Variants in ATXN1 observed in about 807,000 individuals in gnomAD.
The protein encoded by ATXN1 is ataxin 1.
Under a neutral mutation model 56.4 loss-of-function variants are expected in ATXN1, and 8 were observed. That is an observed-to-expected ratio of 0.14 (90% CI 0.08 to 0.26). The LOEUF (loss-of-function observed/expected upper bound fraction) is 0.26. Among genes scored for constraint, ATXN1 ranks in the 10% least tolerant of loss-of-function variants. ATXN1 has a pLI of 1.00. For missense variants in ATXN1, 987 were observed against 1,106.5 expected, an observed-to-expected ratio of 0.89 and a Z score of 1.53; for synonymous variants, 514 against 494.6, an observed-to-expected ratio of 1.04 and a Z score of -0.52.
chr6:16,683,526 C>T (rs1010464529), intron 2 of ATXN1, among the ~76,000 whole-genome samples: 1 of 152,228 alleles, frequency 6.6e-6, no homozygotes. Flanking sequence ...CCTCATCAGA[C>T]AGCTGAAGAC....
rs113130256 is a variant in ATXN1 at position 16,545,520 on chromosome 6, A to T, written c.-360-22832T>A. ...TTCAAATGCCATCTAGACCATAAGG[A>T]CTCTTATAAAACACAAACCACTTCA... is the stretch of plus-strand genomic sequence containing the variant. On this transcript the variant is annotated intron_variant, in intron 4 of 7. Transcript: ENST00000436367. Among the ~76,000 whole-genome samples, 486 of 152,156 alleles carry T rather than the reference A, an allele frequency of 3.2e-3. 1 individual carries two copies. Among genetic ancestry groups the T allele is most frequent in the African/African-American group, 0.011 (453 of 41,506 alleles).
intron 6 of ATXN1, among the ~76,000 whole-genome samples, chr6:16,396,047 A>G (rs1758452183): frequency 6.7e-6 from 1 of 149,614 alleles, no homozygotes; most frequent in Admixed American, 6.7e-5. Flanking sequence ...AAAGCCAATT[A>G]ACTGTAAACA....
intron 4 of ATXN1, among the ~76,000 whole-genome samples, chr6:16,555,758 T>C (rs1052852063): frequency 2.0e-5 from 3 of 152,234 alleles, no homozygotes; most frequent in Non-Finnish European, 2.9e-5. Flanking sequence ...CCCTAATTTA[T>C]GGAGTCAGCC....
intron 4 of ATXN1, among the ~76,000 whole-genome samples, chr6:16,535,860 A>G (rs1282262775): frequency 6.6e-6 from 1 of 152,206 alleles, no homozygotes; most frequent in Non-Finnish European, 1.5e-5. Flanking sequence ...GATAAAAGTG[A>G]CAATCTGCCA....
chr6:16,622,738 G>A (rs1424397818), intron 3 of ATXN1, among the ~76,000 whole-genome samples: 4 of 152,146 alleles, frequency 2.6e-5, no homozygotes, highest in African/African-American at 9.7e-5. Flanking sequence ...GACTTACTAT[G>A]CAGGGTACTT....
intron 7 of ATXN1, among the ~76,000 whole-genome samples, chr6:16,319,334 C>T (rs774853458): frequency 1.3e-5 from 2 of 152,080 alleles, no homozygotes; most frequent in Non-Finnish European, 2.9e-5. Flanking sequence ...AAGTGAGAGA[C>T]GCCAATGTGA....
intron 6 of ATXN1, among the ~76,000 whole-genome samples, chr6:16,330,950 G>A (rs961866104): frequency 7.9e-5 from 12 of 152,114 alleles, no homozygotes; most frequent in African/African-American, 2.9e-4. Context: ...AAACACTTAT[G>A]CTGAAGAAAT....
rs536905290 is a variant in ATXN1, at chr6:16,746,069, T to C, written c.-615+7164A>G. 6.2e-4 allele frequency among the ~76,000 whole-genome samples: 95 copies of C among 152,066 alleles called. 1 individual carries two copies. The highest frequency in any genetic ancestry group is 3.4e-3 in the Middle Eastern group (1 of 294). The stretch of plus-strand genomic sequence containing the variant: ...AGTGATTCTGTGAGTTAGGTGATAT[T>C]ATCATCCCCATTCAACAGATGAGGA... On this transcript the variant is annotated intron_variant, in intron 2 of 7. Transcript: ENST00000436367.
chr6:16,553,659 T>A (rs1189401396), intron 4 of ATXN1, among the ~76,000 whole-genome samples: 1 of 152,198 alleles, frequency 6.6e-6, no homozygotes, highest in Non-Finnish European at 1.5e-5. Context: ...TGGTTCTGAA[T>A]AATGGCTATT....
At chr6:16,514,586 C>T (rs1293013044) in intron 5 of ATXN1, among the ~76,000 whole-genome samples, 1 of 152,042 alleles carries the variant, frequency 6.6e-6, no homozygotes, top group African/African-American at 2.4e-5. Flanking sequence ...TGATCCTAAA[C>T]CTTGGGGAGG....
intron 6 of ATXN1, among the ~76,000 whole-genome samples, chr6:16,427,438 C>T (rs971982378): frequency 5.9e-5 from 9 of 152,174 alleles, no homozygotes; most frequent in African/African-American, 2.2e-4. Context: ...TTGGCTGGTT[C>T]TAAGTGGAAA....
intron 4 of ATXN1, among the ~76,000 whole-genome samples, chr6:16,550,883 G>T (rs954245571): frequency 6.6e-6 from 1 of 151,898 alleles, no homozygotes; most frequent in African/African-American, 2.4e-5. Flanking sequence ...TTAACTTCAG[G>T]TCTTATTTTT....
intron 3 of ATXN1, among the ~76,000 whole-genome samples, chr6:16,634,655 A>G (rs969052235): frequency 6.6e-6 from 1 of 152,196 alleles, no homozygotes; most frequent in Non-Finnish European, 1.5e-5. Context: ...TGGACCTTTC[A>G]TATAAATGAA....
intron 7 of ATXN1, among the ~76,000 whole-genome samples, chr6:16,316,370 T>C (rs532595539): frequency 1.6e-4 from 24 of 152,318 alleles, no homozygotes; most frequent in African/African-American, 5.5e-4. Flanking sequence ...TATATTTGTC[T>C]GTTTTGCCTC....
At chr6:16,685,286 G>A (rs972074063) in intron 2 of ATXN1, among the ~76,000 whole-genome samples, 13 of 152,204 alleles carry the variant, frequency 8.5e-5, no homozygotes, top group African/African-American at 3.1e-4. Flanking sequence ...AAAAATGAAG[G>A]CTTTTGCCCA....
rs764788881 is a variant in ATXN1 at position 16,327,254 on chromosome 6, G to A, written c.1057C>T (p.Pro353Ser). ...ACGTGCCTGGACTCGTACGGGTGAG[G>A]AACCGACTTGCCGCCTGCCTTGCCC... is the stretch of plus-strand genomic sequence containing the variant. ...GLGKAGGKSV[P>S]HPYESRHVVV... The change falls in exon 7 of 8, where the codon CCT becomes TCT. Residue 353 changes from proline (P) to serine (S), a missense_variant. Pro to Ser is a moderately conservative substitution (Grantham distance 74). Coordinates refer to ENST00000436367, the MANE Select transcript of ATXN1 (RefSeq NM_001128164.2). The A allele has an allele frequency of 2.4e-5, 38 of 1,613,368 alleles. No homozygotes were observed. The highest frequency in any genetic ancestry group is 3.2e-5 in the Non-Finnish European group (38 of 1,179,684).
intron 2 of ATXN1, among the ~76,000 whole-genome samples, chr6:16,668,813 CTTTAT>C (rs1411878396): frequency 2.7e-5 from 4 of 147,458 alleles, no homozygotes; most frequent in Non-Finnish European, 5.9e-5. Flanking sequence ...ATTTTATTTA[CTTTAT>C]TTTATTTTGA....
intron 3 of ATXN1, among the ~76,000 whole-genome samples, chr6:16,610,646 A>G (rs1763087823): frequency 6.6e-6 from 1 of 152,174 alleles, no homozygotes; most frequent in East Asian, 1.9e-4. Flanking sequence ...TTCATAGAAT[A>G]TATTTGAAGA....
At chr6:16,620,691 C>G (rs1034750951) in intron 3 of ATXN1, among the ~76,000 whole-genome samples, 1 of 152,200 alleles carries the variant, frequency 6.6e-6, no homozygotes, top group Admixed American at 6.5e-5. Flanking sequence ...ATATGCCCCC[C>G]CAAAAGGCTT....
Sources: allele counts gnomAD v4.1 joint callset (sites outside exome capture counted in the v4.1 genomes callset), GRCh38; gene constraint gnomAD v4.1.1; transcripts MANE v1.5; gene names NCBI Gene and HGNC (gene_info 2026-07-23, HGNC 2026-07-21).